Variants in LOC128462377 observed in about 807,000 individuals in gnomAD.
the LOC128462377 span, chr16:89,323,404 C>A: frequency 8.3e-7 from 1 of 1,209,914 alleles, no homozygotes; most frequent in Non-Finnish European, 1.1e-6. Context: ...GCAAGCAGCC[C>A]AGGGCAGGGG....
At chr16:89,398,890 C>T in the LOC128462377 span, among the ~76,000 whole-genome samples, 4 of 152,190 alleles carry the variant, frequency 2.6e-5, no homozygotes, top group Non-Finnish European at 5.9e-5. Flanking sequence ...CATGGCTCAG[C>T]TGGCTGTGCA....
the LOC128462377 span, among the ~76,000 whole-genome samples, chr16:89,386,740 T>A: frequency 6.6e-6 from 1 of 152,090 alleles, no homozygotes; most frequent in Non-Finnish European, 1.5e-5. Flanking sequence ...CCATTGACTG[T>A]TGGATTTCAT....
At chr16:89,390,985 T>C in the LOC128462377 span, among the ~76,000 whole-genome samples, 2 of 152,158 alleles carry the variant, frequency 1.3e-5, no homozygotes, top group Non-Finnish European at 2.9e-5. Flanking sequence ...TCACAGCATT[T>C]TGGGAGGCCG....
chr16:89,328,448 T>A, the LOC128462377 span, among the ~76,000 whole-genome samples: 5 of 152,250 alleles, frequency 3.3e-5, no homozygotes, highest in African/African-American at 1.2e-4. Context: ...CTTCAACAGG[T>A]GTCCCAGCGG....
chr16:89,355,715 T>A, the LOC128462377 span, among the ~76,000 whole-genome samples: 1 of 152,210 alleles, frequency 6.6e-6, no homozygotes, highest in South Asian at 2.1e-4. Context: ...TTGAACTTCA[T>A]CTTGTTATGA....
chr16:89,354,183 T>G, the LOC128462377 span, among the ~76,000 whole-genome samples: 1 of 149,468 alleles, frequency 6.7e-6, no homozygotes, highest in African/African-American at 2.5e-5. Context: ...CCCATTCAAA[T>G]CTTCCAAGGC....
At chr16:89,366,206 C>G in the LOC128462377 span, among the ~76,000 whole-genome samples, 2 of 151,806 alleles carry the variant, frequency 1.3e-5, no homozygotes, top group South Asian at 4.2e-4. Context: ...GTATATGCAC[C>G]ACATTTTCTT....
At chr16:89,371,522 C>T in the LOC128462377 span, among the ~76,000 whole-genome samples, 1 of 152,200 alleles carries the variant, frequency 6.6e-6, no homozygotes. Flanking sequence ...GCACCACCCA[C>T]AGATGAGTTC....
chr16:89,392,576 A>G, the LOC128462377 span: 83,909 of 151,394 alleles, frequency 0.55, 23,337 homozygotes, highest in Middle Eastern at 0.72. Flanking sequence ...GTTCAAGAAC[A>G]TGGTCGTGAT....
At chr16:89,358,071 G>A in the LOC128462377 span, among the ~76,000 whole-genome samples, 4 of 152,192 alleles carry the variant, frequency 2.6e-5, no homozygotes, top group African/African-American at 9.7e-5. Context: ...AAGTGAGTGA[G>A]GCACCAGATG....
At chr16:89,337,198 AC>A in the LOC128462377 span, among the ~76,000 whole-genome samples, 2 of 151,702 alleles carry the variant, frequency 1.3e-5, no homozygotes, top group East Asian at 3.9e-4. Flanking sequence ...AAAACAAAAA[AC>A]AAAAAACTGC....
the LOC128462377 span, among the ~76,000 whole-genome samples, chr16:89,382,627 A>G: frequency 1.5e-4 from 23 of 151,432 alleles, no homozygotes; most frequent in African/African-American, 5.6e-4. Context: ...CTGAGCCACC[A>G]CACTTGGCCG....
At chr16:89,372,862 C>G in the LOC128462377 span, 4 of 151,962 alleles carry the variant, frequency 2.6e-5, no homozygotes, top group African/African-American at 9.7e-5. Context: ...CCTGCACCAC[C>G]CGTTCATCAG....
chr16:89,330,551 G>A, the LOC128462377 span, among the ~76,000 whole-genome samples: 2 of 151,710 alleles, frequency 1.3e-5, no homozygotes, highest in African/African-American at 4.8e-5. Context: ...GTCATTGATG[G>A]GGTGGTGTGG....
the LOC128462377 span, among the ~76,000 whole-genome samples, chr16:89,366,535 A>G: frequency 0.029 from 4,475 of 152,268 alleles, 150 homozygotes; most frequent in African/African-American, 0.075. Flanking sequence ...CTGGTGTGAG[A>G]TGGTGTCTCG....
chr16:89,347,121 C>T, the LOC128462377 span, among the ~76,000 whole-genome samples: 17 of 152,176 alleles, frequency 1.1e-4, no homozygotes, highest in East Asian at 2.9e-3. Context: ...AGGTGTCTCT[C>T]GTTGGTCCGG....
chr16:89,378,999 G>A, the LOC128462377 span, among the ~76,000 whole-genome samples: 195 of 152,350 alleles, frequency 1.3e-3, no homozygotes, highest in African/African-American at 4.5e-3. Context: ...GGAGCGTCAA[G>A]ACGCCTCCTG....
chr16:89,322,548 G>T, the LOC128462377 span, among the ~76,000 whole-genome samples: 2 of 152,244 alleles, frequency 1.3e-5, no homozygotes, highest in African/African-American at 2.4e-5. Context: ...GGTGGAAAAG[G>T]GGAGGGAAGC....
the LOC128462377 span, among the ~76,000 whole-genome samples, chr16:89,363,793 T>C: frequency 6.6e-6 from 1 of 152,144 alleles, no homozygotes; most frequent in Non-Finnish European, 1.5e-5. Context: ...CGGTGACTCA[T>C]GCCTGGAGCA....
Sources: gnomAD v4.1 joint callset for allele counts (sites outside exome capture counted in the v4.1 genomes callset) on GRCh38, gnomAD v4.1.1 for gene constraint, MANE v1.5 for transcripts.